Variants in KIAA0825 observed in about 807,000 individuals in gnomAD.
The protein encoded by KIAA0825 is KIAA0825.
In KIAA0825, 119 loss-of-function variants were observed where a neutral mutation model predicts 147.6. The ratio of observed to expected loss-of-function variants is 0.81; its 90% CI spans 0.69 to 0.94. The LOEUF (loss-of-function observed/expected upper bound fraction) is 0.94, where lower values mean the gene tolerates loss of function less well. Among genes scored for constraint, KIAA0825 ranks in the 40% least tolerant of loss-of-function variants. The probability of loss-of-function intolerance (pLI) is 0.00; values close to 1 mark genes in which losing one functional copy is unlikely to be tolerated. For synonymous variants in KIAA0825, 470 were observed against 518.1 expected (o/e 0.91, Z 1.26); for missense variants, 1,381 against 1,472.7 (o/e 0.94, Z 1.02).
intron 1 of KIAA0825, chr5:94,594,393 A>C: frequency 1.3e-6 from 1 of 764,718 alleles, no homozygotes; most frequent in Non-Finnish European, 2.4e-6. Context: ...ACTAGGAGGA[A>C]TCAATTGTGT....
At chr5:94,469,470 C>T (rs541972591) in intron 10 of KIAA0825, among the ~76,000 whole-genome samples, 39 of 152,182 alleles carry the variant, frequency 2.6e-4, no homozygotes, top group Admixed American at 1.2e-3. Context: ...CCGCACCCGG[C>T]CTCAAATGGG....
chr5:94,360,459 T>C (rs1424709715), intron 20 of KIAA0825, among the ~76,000 whole-genome samples: 1 of 152,106 alleles, frequency 6.6e-6, no homozygotes, highest in African/African-American at 2.4e-5. Context: ...AGTCACAGGA[T>C]GAGATAGGAG....
chr5:94,253,044 A>G (rs1296599455), intron 20 of KIAA0825, among the ~76,000 whole-genome samples: 6 of 152,186 alleles, frequency 3.9e-5, no homozygotes, highest in Admixed American at 3.3e-4. Context: ...TAATTTGTGC[A>G]ATATTTTTAA....
In KIAA0825 at chr5:94,234,262, G is replaced by T. The variant is rs367642832; in HGVS notation, c.3711-80138C>A. Among the ~76,000 whole-genome samples the T allele has an allele frequency of 1.6e-3, 240 of 151,714 alleles. 1 individual carries two copies. Among genetic ancestry groups the T allele is most frequent in the African/African-American group, 5.6e-3 (233 of 41,404 alleles). On this transcript the variant is annotated intron_variant, in intron 20 of 20. Transcript: ENST00000682413. ...GGCGGGCACCTGTAGTCCCAGCTAC[G>T]CGGGAGGCTGAGGCAGGAGAATGGC...
chr5:94,417,484 ACATAAAAAGAGAATTACCAGATTATTT>A, intron 14 of KIAA0825, 119 bp from the exon 15 acceptor site: 1 of 751,024 alleles, frequency 1.3e-6, no homozygotes, highest in East Asian at 2.7e-5. Context: ...AATAAGATTT[ACATAAAAAGAGAATTACCAGATTATTT>A]CAAAACAATG....
intron 5 of KIAA0825, among the ~76,000 whole-genome samples, chr5:94,506,103 GAAT>G (rs753291062): frequency 5.1e-4 from 78 of 152,256 alleles, no homozygotes; most frequent in Middle Eastern, 3.4e-3. Context: ...TTTGCTCAGT[GAAT>G]AATGATTATT....
chr5:94,333,304 G>A (rs535037689), intron 20 of KIAA0825, among the ~76,000 whole-genome samples: 102 of 152,228 alleles, frequency 6.7e-4, no homozygotes, highest in Non-Finnish European at 1.3e-3. Context: ...CTTTGCCCAT[G>A]CCTATGTCCT....
chr5:94,470,413 A>G (rs1761070831), intron 9 of KIAA0825, among the ~76,000 whole-genome samples: 1 of 152,208 alleles, frequency 6.6e-6, no homozygotes, highest in Non-Finnish European at 1.5e-5. Flanking sequence ...TAAGCCTGTT[A>G]TTAGAGATCA....
chr5:94,475,638 T>G (rs1761793846), intron 7 of KIAA0825, among the ~76,000 whole-genome samples: 2 of 151,908 alleles, frequency 1.3e-5, no homozygotes, highest in Non-Finnish European at 2.9e-5. Context: ...TGAAACCCGG[T>G]CTCTACTGAA....
chr5:94,463,411 GAC>G (rs1339969398), intron 11 of KIAA0825, among the ~76,000 whole-genome samples: 1 of 148,708 alleles, frequency 6.7e-6, no homozygotes, highest in Non-Finnish European at 1.5e-5. Context: ...AATAATATAT[GAC>G]ACATATATAA....
At chr5:94,246,422 C>G (rs962643741) in intron 20 of KIAA0825, among the ~76,000 whole-genome samples, 1 of 152,086 alleles carries the variant, frequency 6.6e-6, no homozygotes, top group East Asian at 1.9e-4. Flanking sequence ...TCTCCCCACT[C>G]TCTTTAATTT....
At chr5:94,177,209 A>G (rs2149965630) in intron 20 of KIAA0825, among the ~76,000 whole-genome samples, 1 of 152,256 alleles carries the variant, frequency 6.6e-6, no homozygotes, top group African/African-American at 2.4e-5. Context: ...ATAAAGAAAA[A>G]TGTTAACCTA....
intron 2 of KIAA0825, among the ~76,000 whole-genome samples, chr5:94,566,752 C>T (rs1413768518): frequency 6.6e-6 from 1 of 151,900 alleles, no homozygotes; most frequent in Non-Finnish European, 1.5e-5. Context: ...TGAGAAAATA[C>T]TCTCTCTCAG....
intron 20 of KIAA0825, among the ~76,000 whole-genome samples, chr5:94,372,524 A>T (rs531552903): frequency 1.3e-5 from 2 of 152,340 alleles, no homozygotes; most frequent in East Asian, 3.9e-4. Context: ...GCACCCTCTG[A>T]AGCAATGGCC....
chr5:94,300,393 C>T (rs77008522), intron 20 of KIAA0825, among the ~76,000 whole-genome samples: 2 of 151,998 alleles, frequency 1.3e-5, no homozygotes, highest in African/African-American at 4.8e-5. Flanking sequence ...TGTCCCATTA[C>T]TGCTATCTGT....
intron 20 of KIAA0825, among the ~76,000 whole-genome samples, chr5:94,242,544 T>G (rs1209251418): frequency 1.3e-5 from 2 of 152,046 alleles, no homozygotes; most frequent in African/African-American, 4.8e-5. Flanking sequence ...TCCTTGTATA[T>G]TTTTCTTTCC....
intron 1 of KIAA0825, among the ~76,000 whole-genome samples, chr5:94,589,783 A>G (rs1784009692): frequency 6.6e-6 from 1 of 151,962 alleles, no homozygotes; most frequent in Non-Finnish European, 1.5e-5. Flanking sequence ...TACATCATGC[A>G]CAAATAATGA....
chr5:94,500,273 G>A (rs1399105846), intron 5 of KIAA0825, among the ~76,000 whole-genome samples: 1 of 152,104 alleles, frequency 6.6e-6, no homozygotes, highest in Non-Finnish European at 1.5e-5. Context: ...TTAGAGGAAA[G>A]CAAGAATAAG....
chr5:94,347,229 G>C (rs113812331), intron 20 of KIAA0825, among the ~76,000 whole-genome samples: 1 of 152,192 alleles, frequency 6.6e-6, no homozygotes, highest in South Asian at 2.1e-4. Flanking sequence ...ACCCACCCTA[G>C]TAGCAGAAAA....
Sources: gnomAD v4.1 joint callset for allele counts (sites outside exome capture counted in the v4.1 genomes callset) on GRCh38, gnomAD v4.1.1 for gene constraint, MANE v1.5 for transcripts, NCBI Gene and HGNC (gene_info 2026-07-23, HGNC 2026-07-21) for gene names.